EHBP1: variants seen among roughly 807,000 people sequenced by gnomAD.
EHBP1 encodes the protein EH domain binding protein 1, also known as EH domain-binding protein 1.
A neutral mutation model predicts 144.0 loss-of-function variants in EHBP1; 55 were observed. The observed-to-expected ratio is 0.38, with a 90% CI of 0.31 to 0.48. The LOEUF is 0.48. Among genes scored for constraint, EHBP1 ranks in the 20% least tolerant of loss-of-function variants. The pLI, the probability that EHBP1 is intolerant of heterozygous loss-of-function variation, is 0.98. For synonymous variants in EHBP1, 469 were observed against 472.7 expected, an observed-to-expected ratio of 0.99 and a Z score of 0.10; for missense variants, 1,200 against 1,364.2, an observed-to-expected ratio of 0.88 and a Z score of 1.90.
intron 10 of EHBP1, among the ~76,000 whole-genome samples, chr2:62,919,712 A>G (rs1297099484): frequency 2.6e-5 from 4 of 152,198 alleles, no homozygotes; most frequent in African/African-American, 7.2e-5. Flanking sequence ...GATCTACTAC[A>G]CAAAGACTCT....
rs1226115163 is a variant in EHBP1, at chr2:62,996,250, G to A, written c.2980-393G>A. Among the ~76,000 whole-genome samples, 4 of 152,026 alleles carry A rather than the reference G, an allele frequency of 2.6e-5. No individual in the cohort carries two copies. The South Asian group carries it at 6.2e-4, about 24-fold the overall frequency. ...TTCCTTACTAGAACTCCATTTTTGT[G>A]TATTACACTTTTGAGTTAAAAGTGC... is the stretch of plus-strand genomic sequence containing the variant. On this transcript the variant is annotated intron_variant, in intron 18 of 22. Coordinates refer to ENST00000431489, the MANE Select transcript of EHBP1 (RefSeq NM_001142616.3).
At chr2:62,782,121 T>G (rs971077126) in intron 5 of EHBP1, among the ~76,000 whole-genome samples, 1 of 152,202 alleles carries the variant, frequency 6.6e-6, no homozygotes, top group Non-Finnish European at 1.5e-5. Context: ...TCATCAAACA[T>G]TTATTGTCCT....
In EHBP1 at chr2:62,979,106, A is replaced by G. The variant is rs183624728; in HGVS notation, c.2461-82A>G. 5.6e-5 allele frequency: 79 copies of G among 1,413,106 alleles called. No individual in the cohort carries two copies. The Admixed American group carries it at 6.6e-4, about 12-fold the overall frequency. 87.5% of individuals were successfully genotyped at this position (1,413,106 alleles called of 1,614,324 possible). On this transcript the variant is annotated intron_variant, in intron 14 of 22. Coordinates refer to ENST00000431489, the MANE Select transcript of EHBP1 (RefSeq NM_001142616.3). ...TGGGCCAAGCACCATGCTGTAAACCAGTTACTATCATGATGATCAGATTGA... is the reference window on the plus strand; with the variant it reads ...TGGGCCAAGCACCATGCTGTAAACCGGTTACTATCATGATGATCAGATTGA...
chr2:62,747,390 G>C lies in EHBP1; in HGVS notation c.105-5G>C. The stretch of plus-strand genomic sequence containing the variant: ...ATTATGTTTAACTTTTTTTTTGTTT[G>C]GCAGGCAACCAGATAAACTGGTGGT... On this transcript the variant is annotated splice_region_variant and splice_polypyrimidine_tract_variant and intron_variant, in intron 2 of 22. Coordinates refer to ENST00000431489, the MANE Select transcript of EHBP1 (RefSeq NM_001142616.3). 1 of 1,603,232 alleles carries C rather than the reference G, an allele frequency of 6.2e-7. No individual in the cohort carries two copies.
chr2:62,821,577 A>G (rs557174085), intron 5 of EHBP1, among the ~76,000 whole-genome samples: 4 of 152,030 alleles, frequency 2.6e-5, no homozygotes, highest in African/African-American at 7.2e-5. Flanking sequence ...CTACTTGGGA[A>G]GCTGAGGTAG....
At position 62,943,783 on chromosome 2, in the gene EHBP1, G is replaced by A; in HGVS notation, c.1365-19G>A. The A allele has an allele frequency of 6.4e-7, 1 of 1,569,444 alleles. No individual in the cohort carries two copies. Among genetic ancestry groups the A allele is most frequent in the South Asian group, 1.1e-5 (1 of 87,070 alleles). On this transcript the variant is annotated intron_variant, in intron 11 of 22. Transcript: ENST00000431489. ...TTATCAAATACTATATGTACCCACT[G>A]TGCTATTTTCTCCCTCAGTGACTAC...
chr2:62,806,935 A>G lies in EHBP1; in HGVS notation c.313-19152A>G, dbSNP rs1000109841. Among the ~76,000 whole-genome samples the G allele has an allele frequency of 2.3e-4, 35 of 152,244 alleles. 1 individual carries two copies. The highest frequency in any genetic ancestry group is 8.2e-4 in the African/African-American group (34 of 41,530). ...TACTTATATATAAGCATACAAAAACATTTATAGTCACCCCTCAGTATCTGC... is the reference window on the plus strand; with the variant it reads ...TACTTATATATAAGCATACAAAAACGTTTATAGTCACCCCTCAGTATCTGC... On this transcript the variant is annotated intron_variant, in intron 5 of 22. Transcript: ENST00000431489.
chr2:63,007,353 T>C (rs750930549), intron 19 of EHBP1, among the ~76,000 whole-genome samples: 5 of 151,918 alleles, frequency 3.3e-5, no homozygotes, highest in Non-Finnish European at 5.9e-5. Flanking sequence ...TATAAAAATT[T>C]AGCAGGTTGC....
intron 19 of EHBP1, among the ~76,000 whole-genome samples, chr2:63,023,857 T>A (rs1371865585): frequency 6.6e-6 from 1 of 152,232 alleles, no homozygotes; most frequent in Non-Finnish European, 1.5e-5. Context: ...TTGTTTATTT[T>A]AAAAATGAGT....
intron 10 of EHBP1, among the ~76,000 whole-genome samples, chr2:62,896,697 A>C (rs2052967658): frequency 1.3e-5 from 2 of 151,112 alleles, no homozygotes; most frequent in Non-Finnish European, 3.0e-5. Flanking sequence ...AAAAAAAAAC[A>C]AAAAACCCTG....
chr2:62,886,752 C>T (rs996896919), intron 10 of EHBP1, among the ~76,000 whole-genome samples: 1 of 152,158 alleles, frequency 6.6e-6, no homozygotes, highest in African/African-American at 2.4e-5. Context: ...AGTTTATGTT[C>T]TGGAATTTCC....
chr2:62,933,457 T>G (rs2056158817), intron 10 of EHBP1, among the ~76,000 whole-genome samples: 1 of 152,208 alleles, frequency 6.6e-6, no homozygotes, highest in East Asian at 1.9e-4. Flanking sequence ...TAAGTTAGTT[T>G]CAGTGTGGAA....
chr2:62,957,753 C>T (rs1324047705), intron 14 of EHBP1, among the ~76,000 whole-genome samples: 1 of 143,026 alleles, frequency 7.0e-6, no homozygotes, highest in East Asian at 2.2e-4. Context: ...TCACACCATT[C>T]TCCTGCCTCA....
chr2:62,885,858 T>C (rs765571532), intron 10 of EHBP1, among the ~76,000 whole-genome samples: 1 of 152,234 alleles, frequency 6.6e-6, no homozygotes, highest in Non-Finnish European at 1.5e-5. Flanking sequence ...ACAGCAATGC[T>C]ACTGTCTACT....
chr2:62,930,173 A>G (rs1052531495), intron 10 of EHBP1, among the ~76,000 whole-genome samples: 2 of 152,180 alleles, frequency 1.3e-5, no homozygotes. Flanking sequence ...GCTTGCGCCC[A>G]GAATGTCAAG....
Position 63,028,468 on chromosome 2 carries a change from C to T in EHBP1, c.3104-9067C>T, listed in dbSNP as rs2061083924. 4.6e-5 allele frequency among the ~76,000 whole-genome samples: 7 copies of T among 151,764 alleles called. 1 individual carries two copies. Among genetic ancestry groups the T allele is most frequent in the Admixed American group, 3.9e-4 (6 of 15,238 alleles). On this transcript the variant is annotated intron_variant, in intron 19 of 22. Coordinates refer to ENST00000431489, the MANE Select transcript of EHBP1 (RefSeq NM_001142616.3). ...TTTTTTTTTAAGAGTTTTGGTCTTG[C>T]TATGTTCCACAGGCTGGCCTTGAAC... is the stretch of plus-strand genomic sequence containing the variant.
At chr2:62,699,116 C>A (rs143842530) in intron 1 of EHBP1, among the ~76,000 whole-genome samples, 1 of 152,310 alleles carries the variant, frequency 6.6e-6, no homozygotes, top group East Asian at 1.9e-4. Flanking sequence ...CCTTTCCTGT[C>A]TAGCCTTATT....
At chr2:62,776,673 T>C (rs1309902869) in intron 5 of EHBP1, among the ~76,000 whole-genome samples, 1 of 152,230 alleles carries the variant, frequency 6.6e-6, no homozygotes, top group Non-Finnish European at 1.5e-5. Context: ...TGATTTAGGA[T>C]ATCTTCCCCT....
intron 19 of EHBP1, among the ~76,000 whole-genome samples, chr2:63,013,563 G>A (rs905619618): frequency 3.3e-5 from 5 of 152,068 alleles, no homozygotes; most frequent in Non-Finnish European, 5.9e-5. Context: ...GCTTACCACC[G>A]GTAGCTTTCA....
Sources: allele counts gnomAD v4.1 joint callset (sites outside exome capture counted in the v4.1 genomes callset), GRCh38; gene constraint gnomAD v4.1.1; transcripts MANE v1.5; gene names NCBI Gene and HGNC (gene_info 2026-07-23, HGNC 2026-07-21).